The following NEB variants were observed in gnomAD, a reference collection of about 807,000 sequenced individuals.
The protein encoded by NEB is nebulin.
In NEB, 512 loss-of-function variants were observed where a neutral mutation model predicts 952.2. The ratio of observed to expected loss-of-function variants is 0.54; its 90% CI spans 0.50 to 0.58. The LOEUF (loss-of-function observed/expected upper bound fraction) is 0.58, where lower values mean the gene tolerates loss of function less well. NEB is among the 20% of genes least tolerant of loss of function. The pLI is 0.00. For synonymous variants in NEB, 2,900 were observed against 3,149.8 expected, an observed-to-expected ratio of 0.92 and a Z score of 2.66; for missense variants, 8,428 against 9,231.1, an observed-to-expected ratio of 0.91 and a Z score of 3.56.
chr2:151,709,468 C>T (rs2099737424), intron 12 of NEB, among the ~76,000 whole-genome samples, 188 bp downstream of exon 12: 1 of 152,110 alleles, frequency 6.6e-6, no homozygotes, highest in African/African-American at 2.4e-5. Flanking sequence ...TTCCAAAGTA[C>T]TTTTGTTGTT....
chr2:151,661,072 G>C (rs2099142459), intron 46 of NEB, among the ~76,000 whole-genome samples: 1 of 152,162 alleles, frequency 6.6e-6, no homozygotes, highest in South Asian at 2.1e-4. Flanking sequence ...TTGACCCGCT[G>C]TGTGGGAGGT....
intron 9 of NEB, among the ~76,000 whole-genome samples, chr2:151,722,426 C>T (rs189304276): frequency 6.6e-6 from 1 of 152,144 alleles, no homozygotes; most frequent in Non-Finnish European, 1.5e-5. Context: ...ACCAAAATTC[C>T]GGCAAGTGGG....
intron 164 of NEB, among the ~76,000 whole-genome samples, chr2:151,505,790 G>A (rs1315724366): frequency 6.6e-6 from 1 of 152,128 alleles, no homozygotes; most frequent in Non-Finnish European, 1.5e-5. Context: ...TCTCTTTGGG[G>A]CAGGGATGGG....
intron 181 of NEB, among the ~76,000 whole-genome samples, chr2:151,487,982 G>T (rs1269099753): frequency 6.6e-6 from 1 of 152,026 alleles, no homozygotes; most frequent in East Asian, 1.9e-4. Flanking sequence ...TTGATACTTT[G>T]TATTATGTAC....
At chr2:151,573,297 G>A (rs767886566) in intron 107 of NEB, among the ~76,000 whole-genome samples, 2 of 152,100 alleles carry the variant, frequency 1.3e-5, no homozygotes, top group Non-Finnish European at 2.9e-5. Flanking sequence ...TTGAATATTA[G>A]TCTTGTTCAT....
rs939043194 is a variant in NEB at position 151,554,868 on chromosome 2, A to G, written c.19428+63T>C. ...GATGTTAGCACAACAATGAAATCAC[A>G]TAACGAGCGGCACATTTCTCAGAAT... On this transcript the variant is annotated intron_variant, in intron 125 of 181. Transcript: ENST00000397345. The G allele has an allele frequency of 1.4e-5, 17 of 1,179,784 alleles. No individual in the cohort carries two copies. In the African/African-American group the frequency reaches 1.5e-4, roughly 10 times the overall value. The allele number at this position is 1,179,784 out of a possible 1,614,324, so 73.1% of individuals were successfully genotyped here. A position where few individuals can be genotyped will look rare whatever the true frequency, so the allele number is the denominator to read the frequency against.
chr2:151,626,258 G>C (rs987407952), intron 70 of NEB, among the ~76,000 whole-genome samples: 1 of 151,960 alleles, frequency 6.6e-6, no homozygotes, highest in Non-Finnish European at 1.5e-5. Flanking sequence ...AAGACTAGAG[G>C]TGCGTGTCAC....
intron 34 of NEB, among the ~76,000 whole-genome samples, chr2:151,676,376 C>T (rs1379333722): frequency 1.3e-5 from 2 of 152,150 alleles, no homozygotes; most frequent in East Asian, 1.9e-4. Flanking sequence ...TCGGTGACAG[C>T]CTTCTAATTC....
intron 145 of NEB, among the ~76,000 whole-genome samples, chr2:151,530,255 A>T (rs2089919198): frequency 6.6e-6 from 1 of 152,182 alleles, no homozygotes; most frequent in African/African-American, 2.4e-5. Context: ...GTTTTGGTAT[A>T]TGTGGGTTTG....
In NEB at chr2:151,535,793, A is replaced by T; in HGVS notation, c.21210T>A (p.Tyr7070Ter). ...AEKNKTLYSKYKYKEVFERTK... is the reference protein window; with the variant it reads ...AEKNKTLYSK ...TCCTTTCAAATACTTCTTTATACTT[A>T]TACTAGAAAAAACAGAACATGGTTA... Residue 7070 changes from tyrosine to a stop codon, truncating the protein, a stop_gained and splice_region_variant, in exon 142 of 182, where the codon TAT (tyrosine) becomes TAA (stop). Transcript: ENST00000397345. LOFTEE classifies it high-confidence loss of function. 6.4e-7 allele frequency: 1 copy of T among 1,559,914 alleles called. No individual in the cohort carries two copies. Among genetic ancestry groups the T allele is most frequent in the Non-Finnish European group, 8.8e-7 (1 of 1,142,744 alleles).
chr2:151,570,821 T>C (rs1460059720), intron 107 of NEB, among the ~76,000 whole-genome samples: 1 of 152,158 alleles, frequency 6.6e-6, no homozygotes, highest in East Asian at 1.9e-4. Context: ...TCCTTTCTTT[T>C]GTTTTTATTA....
At chr2:151,549,338 A>G (rs1193083557) in intron 130 of NEB, among the ~76,000 whole-genome samples, 1 of 152,172 alleles carries the variant, frequency 6.6e-6, no homozygotes, top group Non-Finnish European at 1.5e-5. Flanking sequence ...TTCAGGGTGC[A>G]TCTGTGCTAA....
At chr2:151,509,665 G>A (rs961366649) in intron 161 of NEB, among the ~76,000 whole-genome samples, 33 of 152,192 alleles carry the variant, frequency 2.2e-4, no homozygotes, top group African/African-American at 6.7e-4. Flanking sequence ...GTTTCGCAGT[G>A]TCTCCAGGCT....
intron 151 of NEB, 23 bp downstream of exon 151, chr2:151,525,140 G>A (rs769280993): frequency 5.2e-6 from 8 of 1,533,072 alleles, no homozygotes; most frequent in East Asian, 2.2e-5. Context: ...GGGCCCCCAA[G>A]AGTGTTGAGA....
At chr2:151,646,763 C>G (rs550607466) in intron 54 of NEB, among the ~76,000 whole-genome samples, 1 of 152,226 alleles carries the variant, frequency 6.6e-6, no homozygotes, top group African/African-American at 2.4e-5. Context: ...GATTCTGGTG[C>G]CTCAGCCACC....
chr2:151,535,075 A>T (rs980361998), intron 142 of NEB, among the ~76,000 whole-genome samples: 1 of 152,264 alleles, frequency 6.6e-6, no homozygotes, highest in Non-Finnish European at 1.5e-5. Flanking sequence ...AAATAAATTC[A>T]TAGCTTGTTT....
At chr2:151,564,006 T>C (rs1279514166) in intron 117 of NEB, 76 bp from the exon 118 acceptor site, 11 of 1,094,832 alleles carry the variant, frequency 1.0e-5, no homozygotes, top group Middle Eastern at 2.0e-4. Flanking sequence ...ATTGGTCTAA[T>C]TAAGGTGAAA....
At chr2:151,530,129 T>C (rs1177756223) in intron 145 of NEB, among the ~76,000 whole-genome samples, 1 of 152,230 alleles carries the variant, frequency 6.6e-6, no homozygotes, top group Non-Finnish European at 1.5e-5. Context: ...TCATTCCTAG[T>C]GTCAGGCACA....
At position 151,631,124 on chromosome 2, in the gene NEB, T is replaced by C; in HGVS notation, c.9618+19A>G. On this transcript the variant is annotated intron_variant, in intron 66 of 181. Transcript: ENST00000397345. ...CATCTTCTGGCATCTTGGAGAAGCT[T>C]AAGGCAGCTAGGACTCACCTTATTC... is the stretch of plus-strand genomic sequence containing the variant. 1 of 1,613,198 alleles carries C rather than the reference T, an allele frequency of 6.2e-7. No individual in the cohort carries two copies. The highest frequency in any genetic ancestry group is 1.3e-5 in the African/African-American group (1 of 75,016).
Sources: allele counts gnomAD v4.1 joint callset (sites outside exome capture counted in the v4.1 genomes callset), GRCh38; gene constraint gnomAD v4.1.1; transcripts MANE v1.5; gene names NCBI Gene and HGNC (gene_info 2026-07-23, HGNC 2026-07-21).